The following CSMD1 variants were observed in gnomAD, a reference collection of about 807,000 sequenced individuals.
CSMD1 encodes the protein CUB and sushi domain-containing protein 1.
CSMD1 carries 213 observed loss-of-function variants against 417.5 expected under a neutral mutation model. The ratio of observed to expected loss-of-function variants is 0.51; its 90% CI spans 0.46 to 0.57. The LOEUF is 0.57. Ranked by LOEUF, CSMD1 falls within the 20% of genes least tolerant of loss-of-function variation. CSMD1 has a pLI of 0.00. For synonymous variants in CSMD1, 2,862 were observed against 1,736.8 expected, an observed-to-expected ratio of 1.65 and a Z score of -16.11; for missense variants, 6,923 against 4,529.7, an observed-to-expected ratio of 1.53 and a Z score of -15.17.
chr8:4,715,790 G>A (rs1022901122), intron 1 of CSMD1, among the ~76,000 whole-genome samples: 7 of 151,934 alleles, frequency 4.6e-5, no homozygotes, highest in African/African-American at 1.5e-4. Flanking sequence ...CCTTCAAAAC[G>A]AGCCCGTCCT....
At chr8:4,404,457 G>C (rs952667810) in intron 3 of CSMD1, among the ~76,000 whole-genome samples, 2 of 152,062 alleles carry the variant, frequency 1.3e-5, no homozygotes, top group African/African-American at 4.8e-5. Context: ...AGTAATTTTT[G>C]CAAAGCCAAA....
intron 5 of CSMD1, among the ~76,000 whole-genome samples, chr8:3,877,536 C>G (rs1805907012): frequency 1.3e-5 from 2 of 152,250 alleles, no homozygotes; most frequent in African/African-American, 4.8e-5. Context: ...CGATGTTCCC[C>G]ATATTCAGGT....
At chr8:3,281,018 C>G (rs1245836993) in intron 26 of CSMD1, among the ~76,000 whole-genome samples, 1 of 152,146 alleles carries the variant, frequency 6.6e-6, no homozygotes, top group East Asian at 1.9e-4. Flanking sequence ...TCCATGAACC[C>G]TCTTCTTAGG....
chr8:4,332,140 T>C (rs1799901487), intron 3 of CSMD1, among the ~76,000 whole-genome samples: 1 of 152,080 alleles, frequency 6.6e-6, no homozygotes, highest in East Asian at 1.9e-4. Context: ...GTGATGAAAA[T>C]GTCAAGTTGC....
chr8:3,753,614 G>C (rs1057499955), intron 6 of CSMD1, among the ~76,000 whole-genome samples: 2 of 152,138 alleles, frequency 1.3e-5, no homozygotes, highest in Non-Finnish European at 2.9e-5. Context: ...AAATACAATA[G>C]CCAAACTGCT....
chr8:3,122,915 G>T (rs75564980), intron 41 of CSMD1, among the ~76,000 whole-genome samples: 1 of 152,090 alleles, frequency 6.6e-6, no homozygotes, highest in Non-Finnish European at 1.5e-5. Context: ...TGTCTGATAA[G>T]TAGAATATTG....
chr8:3,315,022 T>C (rs1022602215), intron 23 of CSMD1, among the ~76,000 whole-genome samples: 5 of 152,238 alleles, frequency 3.3e-5, no homozygotes, highest in African/African-American at 7.2e-5. Context: ...GAATCTCTGA[T>C]ATATTTTCTC....
At chr8:4,752,722 C>A (rs1360777753) in intron 1 of CSMD1, among the ~76,000 whole-genome samples, 1 of 151,948 alleles carries the variant, frequency 6.6e-6, no homozygotes, top group African/African-American at 2.4e-5. Context: ...TTTGGGGCAA[C>A]GAAAAAGTTG....
At chr8:4,675,886 C>A (rs1380096269) in intron 1 of CSMD1, among the ~76,000 whole-genome samples, 1 of 152,126 alleles carries the variant, frequency 6.6e-6, no homozygotes, top group South Asian at 2.1e-4. Context: ...CAAAAAGTAT[C>A]TAAACTATCA....
chr8:3,965,550 A>T (rs972266289), intron 5 of CSMD1, among the ~76,000 whole-genome samples: 2 of 152,206 alleles, frequency 1.3e-5, no homozygotes, highest in Admixed American at 6.5e-5. Context: ...CTAGGTCAGG[A>T]AAGAGAGGTC....
At chr8:4,858,399 T>C (rs1002807924) in intron 1 of CSMD1, among the ~76,000 whole-genome samples, 4 of 150,928 alleles carry the variant, frequency 2.7e-5, no homozygotes, top group African/African-American at 7.4e-5. Context: ...AACGTAGTGT[T>C]GGAAGTTCTG....
chr8:4,365,246 G>C (rs1801996750), intron 3 of CSMD1, among the ~76,000 whole-genome samples: 1 of 152,154 alleles, frequency 6.6e-6, no homozygotes, highest in Non-Finnish European at 1.5e-5. Flanking sequence ...AAGTAGTTTG[G>C]AATGTAATTT....
intron 3 of CSMD1, among the ~76,000 whole-genome samples, chr8:4,257,990 A>T (rs1803582898): frequency 6.6e-6 from 1 of 152,182 alleles, no homozygotes; most frequent in South Asian, 2.1e-4. Context: ...AGAATATCAT[A>T]GAATAAGTGG....
intron 8 of CSMD1, among the ~76,000 whole-genome samples, chr8:3,596,877 C>T (rs1801120037): frequency 6.6e-6 from 1 of 152,304 alleles, no homozygotes; most frequent in Non-Finnish European, 1.5e-5. Context: ...TATACTTGCA[C>T]CCTACAGAAG....
At chr8:4,783,719 T>G (rs1270375118) in intron 1 of CSMD1, among the ~76,000 whole-genome samples, 1 of 152,146 alleles carries the variant, frequency 6.6e-6, no homozygotes, top group Non-Finnish European at 1.5e-5. Flanking sequence ...TCCTCCAAAC[T>G]TGAGTGGAAA....
intron 3 of CSMD1, among the ~76,000 whole-genome samples, chr8:4,089,807 T>C (rs555647119): frequency 6.6e-5 from 10 of 152,222 alleles, no homozygotes; most frequent in African/African-American, 2.2e-4. Flanking sequence ...ACCGAGTGTG[T>C]TTGGTCTTGG....
At chr8:3,004,688 C>A (rs1017887547) in intron 52 of CSMD1, among the ~76,000 whole-genome samples, 4 of 152,172 alleles carry the variant, frequency 2.6e-5, no homozygotes, top group African/African-American at 9.7e-5. Flanking sequence ...CATTTTAATT[C>A]TTCATTTTCT....
At chr8:4,451,639 A>C (rs1386459072) in intron 2 of CSMD1, among the ~76,000 whole-genome samples, 1 of 152,186 alleles carries the variant, frequency 6.6e-6, no homozygotes, top group African/African-American at 2.4e-5. Flanking sequence ...CTAGAAGGTA[A>C]TGTTAGGATA....
intron 10 of CSMD1, among the ~76,000 whole-genome samples, chr8:3,519,371 G>C (rs112368694): frequency 6.6e-6 from 1 of 152,268 alleles, no homozygotes; most frequent in South Asian, 2.1e-4. Context: ...TCTTGAAAGG[G>C]TTTCTATGGA....
Sources: allele counts gnomAD v4.1 joint callset (sites outside exome capture counted in the v4.1 genomes callset), GRCh38; gene constraint gnomAD v4.1.1; transcripts MANE v1.5; gene names NCBI Gene and HGNC (gene_info 2026-07-23, HGNC 2026-07-21).